CNTNAP4: variants seen among roughly 807,000 people sequenced by gnomAD.
CNTNAP4 encodes the protein contactin associated protein family member 4.
Under a neutral mutation model 148.4 loss-of-function variants are expected in CNTNAP4, and 98 were observed. That is an observed-to-expected ratio of 0.66 (90% confidence interval 0.56 to 0.78). The LOEUF (loss-of-function observed/expected upper bound fraction) is 0.78. Ranked by LOEUF, CNTNAP4 falls within the 30% of genes least tolerant of loss-of-function variation. The pLI, the probability that CNTNAP4 is intolerant of heterozygous loss-of-function variation, is 0.00. For synonymous variants in CNTNAP4, 730 were observed against 565.1 expected (o/e 1.29, Z -4.14); for missense variants, 1,935 against 1,565.6 (o/e 1.24, Z -3.98).
chr16:76,308,970 T>TA (rs1960794607), intron 1 of CNTNAP4, among the ~76,000 whole-genome samples: 1 of 150,740 alleles, frequency 6.6e-6, no homozygotes, highest in Non-Finnish European at 1.5e-5. Context: ...GATTCCAGGC[T>TA]AATTTTTTTT....
chr16:76,436,706 C>A (rs750123231), intron 4 of CNTNAP4, among the ~76,000 whole-genome samples: 10 of 152,106 alleles, frequency 6.6e-5, no homozygotes, highest in African/African-American at 2.4e-4. Context: ...CTCCTTACCT[C>A]TCACAAGTGG....
intron 1 of CNTNAP4, chr16:76,309,846 T>C (rs993686461): frequency 1.4e-6 from 1 of 700,792 alleles, no homozygotes. Context: ...CCGCTTTTGC[T>C]GCTTCCTCAT....
intron 1 of CNTNAP4, among the ~76,000 whole-genome samples, chr16:76,283,694 C>G (rs1406954873): frequency 1.3e-5 from 2 of 151,760 alleles, no homozygotes; most frequent in African/African-American, 4.8e-5. Context: ...GAATAAGGAA[C>G]AATAACTAAT....
intron 10 of CNTNAP4, among the ~76,000 whole-genome samples, chr16:76,471,748 C>T (rs1380623870): frequency 1.3e-5 from 2 of 152,174 alleles, no homozygotes; most frequent in Admixed American, 6.5e-5. Flanking sequence ...TATTCCGCCT[C>T]CTGTAATACT....
At chr16:76,364,317 A>T (rs73625361) in intron 3 of CNTNAP4, among the ~76,000 whole-genome samples, 2,812 of 151,642 alleles carry the variant, frequency 0.019, 101 homozygotes, top group African/African-American at 0.064. Flanking sequence ...GCAATGTGAG[A>T]TAAATTGTGA....
At chr16:76,414,423 A>G (rs1373609497) in intron 3 of CNTNAP4, among the ~76,000 whole-genome samples, 1 of 151,328 alleles carries the variant, frequency 6.6e-6, no homozygotes, top group Non-Finnish European at 1.5e-5. Flanking sequence ...TTGTAGAATC[A>G]TTTTTAAACT....
At chr16:76,419,645 C>G (rs1330020725) in intron 3 of CNTNAP4, among the ~76,000 whole-genome samples, 1 of 152,004 alleles carries the variant, frequency 6.6e-6, no homozygotes, top group African/African-American at 2.4e-5. Context: ...GGTCCCGTCC[C>G]TCTAGATTTC....
chr16:76,309,336 G>C (rs1437838472), intron 1 of CNTNAP4, among the ~76,000 whole-genome samples: 1 of 152,018 alleles, frequency 6.6e-6, no homozygotes, highest in Admixed American at 6.6e-5. Context: ...CTGCAGCAAG[G>C]TGGTTGGCCA....
intron 3 of CNTNAP4, among the ~76,000 whole-genome samples, chr16:76,390,914 A>T (rs1359142556): frequency 6.6e-6 from 1 of 152,128 alleles, no homozygotes; most frequent in African/African-American, 2.4e-5. Context: ...TTTATGGGGT[A>T]CATGAGATGT....
chr16:76,315,426 T>C (rs1016551749), intron 1 of CNTNAP4, among the ~76,000 whole-genome samples: 1 of 152,100 alleles, frequency 6.6e-6, no homozygotes, highest in Non-Finnish European at 1.5e-5. Context: ...TGACAAGTTG[T>C]TTTTATAAAA....
intron 1 of CNTNAP4, among the ~76,000 whole-genome samples, chr16:76,303,578 C>T (rs1960195365): frequency 6.6e-6 from 1 of 152,160 alleles, no homozygotes; most frequent in Non-Finnish European, 1.5e-5. Flanking sequence ...TTAGTTGGCA[C>T]AGTGTGAATT....
intron 1 of CNTNAP4, among the ~76,000 whole-genome samples, chr16:76,297,108 G>T (rs550348740): frequency 6.6e-6 from 1 of 152,230 alleles, no homozygotes; most frequent in Admixed American, 6.5e-5. Context: ...TTTTCAAAAA[G>T]TGTTTTAGCA....
chr16:76,534,882 A>G (rs1283848566), intron 17 of CNTNAP4, among the ~76,000 whole-genome samples: 2 of 152,226 alleles, frequency 1.3e-5, no homozygotes, highest in African/African-American at 4.8e-5. Context: ...ATGGTTATGT[A>G]TTCAATAAAC....
intron 3 of CNTNAP4, among the ~76,000 whole-genome samples, chr16:76,358,840 A>G (rs530924743): frequency 1.1e-4 from 16 of 140,514 alleles, no homozygotes; most frequent in Non-Finnish European, 2.4e-4. Flanking sequence ...AAGTATACGT[A>G]TGTGTGTGTA....
chr16:76,366,908 T>C (rs959571212), intron 3 of CNTNAP4, among the ~76,000 whole-genome samples: 2 of 152,186 alleles, frequency 1.3e-5, no homozygotes, highest in African/African-American at 4.8e-5. Context: ...GATAATATTA[T>C]AAAGCTATTC....
intron 3 of CNTNAP4, among the ~76,000 whole-genome samples, chr16:76,364,099 T>A (rs927767081): frequency 1.1e-4 from 17 of 151,852 alleles, no homozygotes; most frequent in African/African-American, 3.9e-4. Flanking sequence ...TAGCTGGGCA[T>A]GGTGGTGCAC....
intron 21 of CNTNAP4, among the ~76,000 whole-genome samples, chr16:76,545,210 A>G (rs1274942540): frequency 1.3e-5 from 2 of 152,200 alleles, no homozygotes; most frequent in East Asian, 3.8e-4. Context: ...AATAATTAAA[A>G]TGTCATAGAC....
In CNTNAP4 at chr16:76,279,419, A is replaced by G. The variant is rs13338043; in HGVS notation, c.85+1672A>G. 8.1e-3 allele frequency among the ~76,000 whole-genome samples: 1,228 copies of G among 152,320 alleles called. 18 individuals are homozygous for G. Among genetic ancestry groups the G allele is most frequent in the African/African-American group, 0.027 (1,133 of 41,562 alleles). The stretch of plus-strand genomic sequence containing the variant: ...TAAAAAGTGTAGGGTGTACATCAAC[A>G]TTAAATAGCTTTCTTTTGCCATATA... On this transcript the variant is annotated intron_variant, in intron 1 of 23. Transcript: ENST00000611870.
At chr16:76,475,271 G>A (rs553162389) in intron 10 of CNTNAP4, among the ~76,000 whole-genome samples, 39 of 152,212 alleles carry the variant, frequency 2.6e-4, no homozygotes, top group African/African-American at 8.9e-4. Context: ...CTAAAACTCT[G>A]CTCCCCAAAG....
Sources: allele counts gnomAD v4.1 joint callset (sites outside exome capture counted in the v4.1 genomes callset), GRCh38; gene constraint gnomAD v4.1.1; transcripts MANE v1.5; gene names NCBI Gene and HGNC (gene_info 2026-07-23, HGNC 2026-07-21).